The following FTO variants were observed in gnomAD, a reference collection of about 807,000 sequenced individuals.
FTO encodes alpha-ketoglutarate-dependent dioxygenase FTO.
A neutral mutation model predicts 63.9 loss-of-function variants in FTO; 47 were observed. That is an observed-to-expected ratio of 0.74 (90% CI 0.58 to 0.94). The LOEUF is 0.94. Among genes scored for constraint, FTO ranks in the 40% least tolerant of loss-of-function variants. The pLI is 0.00. For missense variants in FTO, 562 were observed against 618.1 expected (o/e 0.91, Z 0.96); for synonymous variants, 207 against 224.4 (o/e 0.92, Z 0.69).
chr16:53,958,435 T>G (rs1390443414), intron 8 of FTO, among the ~76,000 whole-genome samples: 1 of 152,158 alleles, frequency 6.6e-6, no homozygotes, highest in Non-Finnish European at 1.5e-5. Context: ...GCTTTTACAT[T>G]CTGCTTCAGG....
intron 7 of FTO, among the ~76,000 whole-genome samples, chr16:53,918,835 A>G (rs1411166280): frequency 1.3e-5 from 2 of 152,170 alleles, no homozygotes; most frequent in Non-Finnish European, 2.9e-5. Flanking sequence ...GTTCTGTATA[A>G]ACCGTGCTGG....
chr16:53,751,417 C>T (rs747535298), intron 1 of FTO, among the ~76,000 whole-genome samples: 2 of 151,706 alleles, frequency 1.3e-5, no homozygotes, highest in African/African-American at 2.4e-5. Flanking sequence ...GAGATCATGC[C>T]ACTGCACTCC....
chr16:53,976,569 C>A (rs1212945316), intron 8 of FTO, among the ~76,000 whole-genome samples: 1 of 151,876 alleles, frequency 6.6e-6, no homozygotes, highest in African/African-American at 2.4e-5. Flanking sequence ...CCCTTTTTGT[C>A]AGATGAATCT....
rs776743009 is a variant in FTO, at chr16:53,825,967, G to A, written c.227G>A (p.Gly76Asp). The change falls in exon 3 of 9, where the codon GGC (glycine) becomes GAC (aspartate). Residue 76 changes from glycine to aspartate, a missense_variant. Coordinates refer to ENST00000471389, the MANE Select transcript of FTO (RefSeq NM_001080432.3). Reference protein sequence around the residue: ...QEAFLTLHKHGCLFRDLVRIQ... With the variant: ...QEAFLTLHKHDCLFRDLVRIQ... ...GCCTTTCTCACACTGCACAAGCATG[G>A]CTGCTTATTTCGGGACCTGGTTAGG... 9 of 1,614,164 alleles carry A rather than the reference G, an allele frequency of 5.6e-6. No homozygotes were observed. The East Asian group carries it at 1.8e-4, about 32-fold the overall frequency.
chr16:53,977,302 A>G (rs534233515), intron 8 of FTO, among the ~76,000 whole-genome samples: 2 of 152,190 alleles, frequency 1.3e-5, no homozygotes, highest in East Asian at 1.9e-4. Flanking sequence ...TGGATCTTAT[A>G]TTGTTGAATC....
At chr16:53,716,632 T>A (rs529785099) in intron 1 of FTO, among the ~76,000 whole-genome samples, 138 of 152,124 alleles carry the variant, frequency 9.1e-4, no homozygotes, top group Admixed American at 2.2e-3. Context: ...ATGAAATTAT[T>A]TTTCATATGT....
Position 53,918,166 on chromosome 16 carries a change from C to T in FTO, c.1240-15819C>T, listed in dbSNP as rs149010227. Among the ~76,000 whole-genome samples, 1,232 of 152,156 alleles carry T rather than the reference C, an allele frequency of 8.1e-3. 14 individuals are homozygous for T. Among genetic ancestry groups the T allele is most frequent in the African/African-American group, 0.028 (1,169 of 41,502 alleles). The stretch of plus-strand genomic sequence containing the variant: ...GTCTCAAAATGAAAAGATAATAGCA[C>T]AGTCATGTGTTGCTTAATGATGGGG... On this transcript the variant is annotated intron_variant, in intron 7 of 8. Transcript: ENST00000471389.
intron 2 of FTO, among the ~76,000 whole-genome samples, chr16:53,819,980 T>C (rs1047737247): frequency 8.6e-5 from 13 of 151,880 alleles, no homozygotes; most frequent in African/African-American, 3.1e-4. Context: ...GATGTGGCTA[T>C]AACAGATACT....
intron 8 of FTO, among the ~76,000 whole-genome samples, chr16:54,051,541 C>A (rs1238478105): frequency 1.3e-5 from 2 of 152,240 alleles, no homozygotes; most frequent in African/African-American, 4.8e-5. Flanking sequence ...TTCAAATCTA[C>A]ATGGCATCCC....
chr16:54,042,226 G>A (rs1333648498), intron 8 of FTO, among the ~76,000 whole-genome samples: 1 of 147,140 alleles, frequency 6.8e-6, no homozygotes, highest in Non-Finnish European at 1.5e-5. Flanking sequence ...GTGCCAGACA[G>A]TGGGCGCAGG....
chr16:53,775,284 C>T (rs989961496), intron 1 of FTO, among the ~76,000 whole-genome samples: 2 of 152,124 alleles, frequency 1.3e-5, no homozygotes, highest in Non-Finnish European at 2.9e-5. Context: ...ACATTGACTT[C>T]CTTATTTCTT....
At chr16:53,754,875 T>C (rs1479803436) in intron 1 of FTO, among the ~76,000 whole-genome samples, 1 of 152,258 alleles carries the variant, frequency 6.6e-6, no homozygotes, top group African/African-American at 2.4e-5. Flanking sequence ...CAGGTACTTC[T>C]GTAGCAACTT....
At chr16:54,078,321 A>ATATAT (rs1466462534) in intron 8 of FTO, among the ~76,000 whole-genome samples, 4 of 146,972 alleles carry the variant, frequency 2.7e-5, no homozygotes, top group Non-Finnish European at 6.0e-5. Context: ...GTGTAAATAT[A>ATATAT]TATATTATTT....
At chr16:53,765,469 C>T (rs766251604) in intron 1 of FTO, among the ~76,000 whole-genome samples, 11 of 151,002 alleles carry the variant, frequency 7.3e-5, no homozygotes, top group South Asian at 4.2e-4. Flanking sequence ...GCAGGAGAAT[C>T]GCTTGATCCT....
intron 7 of FTO, among the ~76,000 whole-genome samples, chr16:53,889,514 C>G (rs1012272788): frequency 2.0e-4 from 31 of 152,120 alleles, no homozygotes; most frequent in African/African-American, 7.5e-4. Flanking sequence ...ATGACATTAG[C>G]TAAATTGAAA....
rs2151619216 is a variant in FTO, at chr16:53,766,261, T to C, written c.46-43879T>C. ...TCTTTTTGGAGATGGGGTCTCACTC[T>C]GTTGCCCAGGCCGGAGTGCAGTGGC... On this transcript the variant is annotated intron_variant, in intron 1 of 8. Coordinates refer to ENST00000471389, the MANE Select transcript of FTO (RefSeq NM_001080432.3). Among the ~76,000 whole-genome samples the C allele has an allele frequency of 1.3e-5, 2 of 152,324 alleles. 1 individual carries two copies. Among genetic ancestry groups the C allele is most frequent in the South Asian group, 4.1e-4 (2 of 4,828 alleles).
chr16:53,917,617 A>G (rs181235158), intron 7 of FTO, among the ~76,000 whole-genome samples: 20 of 151,132 alleles, frequency 1.3e-4, no homozygotes, highest in Admixed American at 4.0e-4. Context: ...TTTTTTTTTC[A>G]TGGCTACTAT....
At chr16:53,735,002 T>G (rs1207405380) in intron 1 of FTO, among the ~76,000 whole-genome samples, 1 of 152,218 alleles carries the variant, frequency 6.6e-6, no homozygotes, top group African/African-American at 2.4e-5. Flanking sequence ...ATTCCTACGC[T>G]TGGCTTAGAG....
At chr16:54,095,620 A>C (rs1333476821) in intron 8 of FTO, among the ~76,000 whole-genome samples, 2 of 152,188 alleles carry the variant, frequency 1.3e-5, no homozygotes, top group African/African-American at 4.8e-5. Flanking sequence ...AGCAACGTCC[A>C]GCTAAAATCT....
Sources: gnomAD v4.1 joint callset for allele counts (sites outside exome capture counted in the v4.1 genomes callset) on GRCh38, gnomAD v4.1.1 for gene constraint, MANE v1.5 for transcripts, NCBI Gene and HGNC (gene_info 2026-07-23, HGNC 2026-07-21) for gene names.